The following FLT3 variants were observed in gnomAD, a reference collection of about 807,000 sequenced individuals.
FLT3 encodes receptor-type tyrosine-protein kinase FLT3.
A neutral mutation model predicts 126.6 loss-of-function variants in FLT3; 46 were observed. The observed-to-expected ratio is 0.36, with a 90% CI of 0.29 to 0.46. The LOEUF is 0.46. Ranked by LOEUF, FLT3 falls within the 20% of genes least tolerant of loss-of-function variation. The probability of loss-of-function intolerance (pLI) is 1.00; values close to 1 mark genes in which losing one functional copy is unlikely to be tolerated. For synonymous variants in FLT3, 404 were observed against 434.4 expected (o/e 0.93, Z 0.87); for missense variants, 1,069 against 1,190.3 (o/e 0.90, Z 1.50).
chr13:28,082,811 C>T (rs1338687131), intron 1 of FLT3, among the ~76,000 whole-genome samples: 1 of 152,142 alleles, frequency 6.6e-6, no homozygotes, highest in African/African-American at 2.4e-5. Flanking sequence ...TCACGCCAGT[C>T]TCCTGCCTCA....
intron 1 of FLT3, among the ~76,000 whole-genome samples, chr13:28,098,791 A>C (rs1879639036): frequency 6.6e-6 from 1 of 152,126 alleles, no homozygotes; most frequent in Non-Finnish European, 1.5e-5. Flanking sequence ...ATTAAAAAAA[A>C]AAACACTGCT....
intron 1 of FLT3, among the ~76,000 whole-genome samples, chr13:28,090,178 T>C (rs1878942568): frequency 6.6e-6 from 1 of 151,676 alleles, no homozygotes; most frequent in Admixed American, 6.6e-5. Context: ...GTAGCTGGGA[T>C]TACAGGCGTG....
intron 12 of FLT3, 116 bp downstream of exon 12, chr13:28,035,379 C>G: frequency 2.1e-6 from 2 of 962,858 alleles, no homozygotes; most frequent in East Asian, 5.0e-5. Context: ...GAAACCTTTT[C>G]TCACACACTG....
rs754176049 is a variant in FLT3 at position 28,049,762 on chromosome 13, G to T, written c.755C>A (p.Thr252Asn). 2.5e-6 allele frequency: 4 copies of T among 1,612,654 alleles called. No individual in the cohort carries two copies. The highest frequency in any genetic ancestry group is 3.4e-6 in the Non-Finnish European group (4 of 1,179,556). ...TAATTGTGGCAATGTGGTCTGAGGAGTTTGATTTAGATCTAGGAGATGAAA... is the reference window on the plus strand; with the variant it reads ...TAATTGTGGCAATGTGGTCTGAGGATTTTGATTTAGATCTAGGAGATGAAA... The part of the protein sequence containing the change: ...TRLFTIDLNQ[T>N]PQTTLPQLFL... The change falls in exon 7 of 24, where the codon ACT (threonine) becomes AAT (asparagine). Residue 252 changes from threonine (T) to asparagine (N), a missense_variant. Thr to Asn is a moderately conservative substitution (Grantham distance 65). Coordinates refer to ENST00000241453, the MANE Select transcript of FLT3 (RefSeq NM_004119.3).
At chr13:28,072,730 G>T (rs908353340) in intron 1 of FLT3, among the ~76,000 whole-genome samples, 1 of 152,108 alleles carries the variant, frequency 6.6e-6, no homozygotes, top group African/African-American at 2.4e-5. Flanking sequence ...GCGGCCGGGC[G>T]TGGTGGCTCA....
chr13:28,078,680 C>A (rs1878118852), intron 1 of FLT3, among the ~76,000 whole-genome samples: 1 of 151,540 alleles, frequency 6.6e-6, no homozygotes, highest in Admixed American at 6.6e-5. Flanking sequence ...TCTGCAGCAG[C>A]TAGAATTTCT....
chr13:28,031,697 C>T (rs952753538), intron 15 of FLT3, among the ~76,000 whole-genome samples: 1 of 152,036 alleles, frequency 6.6e-6, no homozygotes, highest in Non-Finnish European at 1.5e-5. Context: ...GAAGGGGAAG[C>T]AGAAGGATCC....
intron 5 of FLT3, among the ~76,000 whole-genome samples, chr13:28,051,999 G>T (rs1345470457): frequency 2.0e-5 from 3 of 151,796 alleles, no homozygotes; most frequent in African/African-American, 7.3e-5. Context: ...TTGATTTGAG[G>T]GGTTCCAAAA....
At chr13:28,027,359 TAC>T (rs1872902007) in intron 16 of FLT3, 118 bp from the exon 17 acceptor site, 1 of 674,612 alleles carries the variant, frequency 1.5e-6, no homozygotes, top group African/African-American at 1.8e-5. Context: ...TTGGGGACAG[TAC>T]AACTTTTTCT....
chr13:28,045,183 T>C (rs73154819), intron 9 of FLT3, among the ~76,000 whole-genome samples: 1 of 152,154 alleles, frequency 6.6e-6, no homozygotes, highest in Non-Finnish European at 1.5e-5. Flanking sequence ...ATGACCCATA[T>C]GTCAGTGACA....
chr13:28,023,938 A>G (rs542123403), intron 18 of FLT3, among the ~76,000 whole-genome samples: 1 of 150,578 alleles, frequency 6.6e-6, no homozygotes, highest in South Asian at 2.1e-4. Context: ...AATTTTTTGT[A>G]TTTTTAGTAG....
At position 28,014,555 on chromosome 13, in the gene FLT3, T is replaced by C. The variant is rs1871671117; in HGVS notation, c.2756A>G (p.Tyr919Cys). 6.8e-6 allele frequency: 11 copies of C among 1,607,056 alleles called. No individual in the cohort carries two copies. Among genetic ancestry groups the C allele is most frequent in the South Asian group, 1.1e-5 (1 of 90,892 alleles). ...AGCCCAGCAGGATTGCATTATAATGTATCTGTAAAAGCAATAGAACAAGGA... is the reference window on the plus strand; with the variant it reads ...AGCCCAGCAGGATTGCATTATAATGCATCTGTAAAAGCAATAGAACAAGGA... ...DQPFYATEEI[Y>C]IIMQSCWAFD... The change falls in exon 23 of 24, where the codon TAC becomes TGC. Residue 919 changes from tyrosine (Y) to cysteine (C), a missense_variant and splice_region_variant. By Grantham distance (194) the Tyr-to-Cys change is radical. Transcript: ENST00000241453.
chr13:28,061,727 T>C, intron 3 of FLT3, 140 bp downstream of exon 3: 1 of 636,400 alleles, frequency 1.6e-6, no homozygotes, highest in Non-Finnish European at 2.7e-6. Flanking sequence ...GACAAGATTG[T>C]GCCACTCTAC....
At chr13:28,071,408 T>C (rs1295919992) in intron 1 of FLT3, among the ~76,000 whole-genome samples, 1 of 152,148 alleles carries the variant, frequency 6.6e-6, no homozygotes, top group Non-Finnish European at 1.5e-5. Flanking sequence ...GAGAGTCTAT[T>C]TTCATCCATT....
intron 9 of FLT3, among the ~76,000 whole-genome samples, chr13:28,040,988 C>A (rs993581712): frequency 6.7e-5 from 10 of 150,116 alleles, no homozygotes; most frequent in Non-Finnish European, 1.5e-4. Flanking sequence ...AAATGCTGAG[C>A]ATTGAATAAG....
intron 9 of FLT3, among the ~76,000 whole-genome samples, chr13:28,043,457 C>T (rs1319889667): frequency 1.3e-5 from 2 of 152,162 alleles, no homozygotes; most frequent in Non-Finnish European, 2.9e-5. Context: ...GTGCACATAC[C>T]ATGACCACAC....
intron 3 of FLT3, among the ~76,000 whole-genome samples, chr13:28,060,465 T>TAA (rs1261681150): frequency 0.013 from 105 of 8,288 alleles, no homozygotes; most frequent in South Asian, 0.069. Flanking sequence ...GTAAAAATAT[T>TAA]TAAAAAAAAA....
At chr13:28,092,658 T>C (rs1879188746) in intron 1 of FLT3, among the ~76,000 whole-genome samples, 1 of 152,114 alleles carries the variant, frequency 6.6e-6, no homozygotes, top group South Asian at 2.1e-4. Flanking sequence ...CCTGCCATAG[T>C]TCTGTTGGCC....
At chr13:28,025,409 C>T (rs752552418) in intron 17 of FLT3, 2 of 453,694 alleles carry the variant, frequency 4.4e-6, no homozygotes, top group Non-Finnish European at 4.4e-6. Flanking sequence ...AAGCTCATTT[C>T]TTTTTACTGT....
Sources: allele counts gnomAD v4.1 joint callset (sites outside exome capture counted in the v4.1 genomes callset), GRCh38; gene constraint gnomAD v4.1.1; transcripts MANE v1.5; gene names NCBI Gene and HGNC (gene_info 2026-07-23, HGNC 2026-07-21).